Variants in CHAC2 observed in about 807,000 individuals in gnomAD.
CHAC2 encodes the protein glutathione-specific gamma-glutamylcyclotransferase 2.
In CHAC2, 20 loss-of-function variants were observed where a neutral mutation model predicts 16.9. The ratio of observed to expected loss-of-function variants is 1.18; its 90% CI spans 0.83 to 1.72. The LOEUF (loss-of-function observed/expected upper bound fraction) is 1.72, where lower values mean the gene tolerates loss of function less well. CHAC2 is among the 40% of genes most tolerant of loss of function. The pLI is 0.00. For missense variants in CHAC2, 269 were observed against 222.2 expected (o/e 1.21, Z -1.34); for synonymous variants, 91 against 77.3 (o/e 1.18, Z -0.93).
At chr2:53,771,516 A>AAAAT (rs141804757) in intron 1 of CHAC2, among the ~76,000 whole-genome samples, 16 of 152,294 alleles carry the variant, frequency 1.1e-4, no homozygotes, top group African/African-American at 2.2e-4. Flanking sequence ...TCCGTCTCAA[A>AAAAT]AAATAAATAA....
In CHAC2 at chr2:53,774,580, C is replaced by T. The variant is rs553822167; in HGVS notation, c.*55C>T. The T allele has an allele frequency of 1.6e-5, 20 of 1,277,146 alleles. No individual in the cohort carries two copies. Among genetic ancestry groups the T allele is most frequent in the East Asian group, 7.3e-5 (3 of 41,150 alleles). 79.1% of individuals were successfully genotyped at this position (1,277,146 alleles called of 1,614,324 possible). A position where few individuals can be genotyped will look rare whatever the true frequency, so the allele number is the denominator to read the frequency against. ...ACAATGACAATATGATTTGGAAATA[C>T]GTTTACTTAAAGATCTTATTTTTAA... On this transcript the variant is annotated 3_prime_UTR_variant, in exon 3 of 3. Transcript: ENST00000295304.
In CHAC2 at chr2:53,774,295, T is replaced by C; in HGVS notation, c.325T>C (p.Tyr109His). The part of the protein sequence containing the change: ...PTTKPFSVLL[Y>H]IGTCDNPDYL... The stretch of plus-strand genomic sequence containing the variant: ...AACAAAACCATTCAGTGTATTGCTA[T>C]ATATTGGAACATGTGATAATCCTGA... The change falls in exon 3 of 3, where the codon TAT (tyrosine) becomes CAT (histidine). Residue 109 changes from tyrosine to histidine, a missense_variant. Transcript: ENST00000295304. The C allele has an allele frequency of 1.9e-6, 3 of 1,614,140 alleles. No homozygotes were observed. Among genetic ancestry groups the C allele is most frequent in the South Asian group, 1.1e-5 (1 of 91,058 alleles).
intron 1 of CHAC2, among the ~76,000 whole-genome samples, chr2:53,771,591 T>C (rs571498714): frequency 6.6e-6 from 1 of 152,342 alleles, no homozygotes; most frequent in East Asian, 1.9e-4. Context: ...TTATAATTAC[T>C]GCTTCCATTT....
At chr2:53,774,006 G>C in intron 2 of CHAC2, 136 bp from the exon 3 acceptor site, 1 of 986,156 alleles carries the variant, frequency 1.0e-6, no homozygotes, top group Non-Finnish European at 1.5e-6. Flanking sequence ...CTGCACCACA[G>C]CCTGGGCAAC....
intron 2 of CHAC2, among the ~76,000 whole-genome samples, 164 bp from the exon 3 acceptor site, chr2:53,773,978 T>C (rs1181221391): frequency 6.6e-6 from 1 of 152,134 alleles, no homozygotes; most frequent in African/African-American, 2.4e-5. Context: ...GAGGTTGCAG[T>C]AGGCCACGAT....
chr2:53,774,814 G>A lies in CHAC2; in HGVS notation c.*289G>A, dbSNP rs1674220560. The A allele has an allele frequency of 4.1e-6, 1 of 243,642 alleles. No individual in the cohort carries two copies. The highest frequency in any genetic ancestry group is 1.4e-4 in the South Asian group (1 of 7,360). 15.1% of individuals were successfully genotyped at this position (243,642 alleles called of 1,614,324 possible). A position where few individuals can be genotyped will look rare whatever the true frequency, so the allele number is the denominator to read the frequency against. ...AGTTCAGTCTTGTTTTTATCAGAGT[G>A]ATAATCATCCTGTTTCACATCCCAA... On this transcript the variant is annotated 3_prime_UTR_variant, in exon 3 of 3. Transcript: ENST00000295304.
At chr2:53,769,718 C>T (rs578016222) in intron 1 of CHAC2, among the ~76,000 whole-genome samples, 1 of 152,288 alleles carries the variant, frequency 6.6e-6, no homozygotes, top group East Asian at 1.9e-4. Flanking sequence ...TGGTGGCGCA[C>T]GCCAGTAGAG....
At chr2:53,769,883 A>G (rs1673774483) in intron 1 of CHAC2, among the ~76,000 whole-genome samples, 1 of 152,230 alleles carries the variant, frequency 6.6e-6, no homozygotes, top group African/African-American at 2.4e-5. Flanking sequence ...CTGATCACCT[A>G]AGACTCAGAA....
In CHAC2 at chr2:53,772,026, CACAG is replaced by C. The variant is rs1269991493; in HGVS notation, c.171+88_171+91del. On this transcript the variant is annotated intron_variant, in intron 2 of 2. Transcript: ENST00000295304. ...CTGTTTCAATTTGATTAACAATCAT[CACAG>C]ACAATTTGAACTACCCTAAATTTAG... The C allele has an allele frequency of 2.6e-5, 21 of 817,030 alleles. 1 individual carries two copies. The highest frequency in any genetic ancestry group is 1.4e-4 in the African/African-American group (8 of 55,898). 50.6% of individuals were successfully genotyped at this position (817,030 alleles called of 1,614,324 possible). A position where few individuals can be genotyped will look rare whatever the true frequency, so the allele number is the denominator to read the frequency against.
intron 2 of CHAC2, among the ~76,000 whole-genome samples, chr2:53,772,330 A>G (rs1181693142): frequency 1.3e-5 from 2 of 151,982 alleles, no homozygotes; most frequent in Non-Finnish European, 2.9e-5. Flanking sequence ...GCCCGCCACC[A>G]TGTCTGGCTA....
chr2:53,773,718 C>T (rs568713979), intron 2 of CHAC2, among the ~76,000 whole-genome samples: 3 of 151,862 alleles, frequency 2.0e-5, no homozygotes, highest in South Asian at 2.1e-4. Context: ...CGTGAGCCAC[C>T]GCTCCTGGCC....
At chr2:53,767,790 C>G (rs142715854), upstream of CHAC2, 617 of 1,482,152 alleles carry the variant, frequency 4.2e-4, 6 homozygotes, top group African/African-American at 8.1e-3. Context: ...CGCCTGCGCC[C>G]CGCGCGGCCG....
Position 53,767,883 on chromosome 2 carries a change from G to A in CHAC2, c.-4G>A. 1 of 1,607,316 alleles carries A rather than the reference G, an allele frequency of 6.2e-7. No homozygotes were observed. Among genetic ancestry groups the A allele is most frequent in the Non-Finnish European group, 8.5e-7 (1 of 1,177,010 alleles). ...GGCCACTGGGGCAGAGGAGCCGCGA[G>A]AAGATGTGGGTTTTTGGTTACGGGT... On this transcript the variant is annotated 5_prime_UTR_variant, in exon 1 of 3. Coordinates refer to ENST00000295304, the MANE Select transcript of CHAC2 (RefSeq NM_001008708.4).
intron 2 of CHAC2, among the ~76,000 whole-genome samples, chr2:53,772,472 C>T (rs1261479424): frequency 6.6e-6 from 1 of 152,090 alleles, no homozygotes; most frequent in Non-Finnish European, 1.5e-5. Flanking sequence ...CCGCGCCCAG[C>T]CGTGGGATTT....
At chr2:53,767,783 C>T (rs1673577764), upstream of CHAC2, 1 of 1,454,954 alleles carries the variant, frequency 6.9e-7, no homozygotes, top group Non-Finnish European at 9.2e-7. Context: ...GCCATCGCGC[C>T]TGCGCCCCGC....
chr2:53,769,167 G>C (rs555307385), intron 1 of CHAC2, among the ~76,000 whole-genome samples: 1 of 152,312 alleles, frequency 6.6e-6, no homozygotes, highest in East Asian at 1.9e-4. Context: ...GAATGTTCTA[G>C]AACAATATTC....
At chr2:53,769,421 A>C (rs1022851229) in intron 1 of CHAC2, among the ~76,000 whole-genome samples, 8 of 152,250 alleles carry the variant, frequency 5.3e-5, no homozygotes, top group African/African-American at 1.9e-4. Flanking sequence ...ATGTGGCTAT[A>C]ACAACATACT....
In CHAC2 at chr2:53,774,247, A is replaced by T; in HGVS notation, c.277A>T (p.Ile93Phe). Residue 93 changes from isoleucine to phenylalanine, a missense_variant, in exon 3 of 3, where the codon ATT (isoleucine) becomes TTT (phenylalanine). Physicochemically the swap from Ile to Phe is conservative, Grantham distance 21 (BLOSUM62 0). Transcript: ENST00000295304. ...AGGAGGCTACAGAACCACAACAGTC[A>T]TTTTTTATCCAAAAGATCCCACAAC... Reference protein sequence around the residue: ...EKGGYRTTTVIFYPKDPTTKP... With the variant: ...EKGGYRTTTVFFYPKDPTTKP... 3.1e-6 allele frequency: 5 copies of T among 1,614,154 alleles called. No homozygotes were observed. Among genetic ancestry groups the T allele is most frequent in the Non-Finnish European group, 4.2e-6 (5 of 1,180,022 alleles).
chr2:53,767,787 GC>G, upstream of CHAC2: 6 of 1,466,432 alleles, frequency 4.1e-6, no homozygotes, highest in South Asian at 6.6e-5. Flanking sequence ...TCGCGCCTGC[GC>G]CCCGCGCGGC....
Sources: gnomAD v4.1 joint callset for allele counts (sites outside exome capture counted in the v4.1 genomes callset) on GRCh38, gnomAD v4.1.1 for gene constraint, MANE v1.5 for transcripts, NCBI Gene and HGNC (gene_info 2026-07-23, HGNC 2026-07-21) for gene names.